The following GNA12 variants were observed in gnomAD, a reference collection of about 807,000 sequenced individuals.
The protein encoded by GNA12 is G protein subunit alpha 12, also known as guanine nucleotide-binding protein subunit alpha-12.
In GNA12, 9 loss-of-function variants were observed where a neutral mutation model predicts 26.0. The ratio of observed to expected loss-of-function variants is 0.35; its 90% CI spans 0.21 to 0.60. The LOEUF is 0.60. Ranked by LOEUF, GNA12 falls within the 20% of genes least tolerant of loss-of-function variation. The pLI is 0.78. For missense variants in GNA12, 405 were observed against 525.8 expected (o/e 0.77, Z 2.25); for synonymous variants, 264 against 219.6 (o/e 1.20, Z -1.79).
intron 1 of GNA12, among the ~76,000 whole-genome samples, chr7:2,799,450 C>T (rs1366416129): frequency 6.6e-6 from 1 of 152,106 alleles, no homozygotes; most frequent in East Asian, 1.9e-4. Flanking sequence ...GGCATGGTGG[C>T]ACACGCTGAT....
chr7:2,825,576 C>T (rs1046625165), intron 1 of GNA12, among the ~76,000 whole-genome samples: 1 of 152,162 alleles, frequency 6.6e-6, no homozygotes, highest in South Asian at 2.1e-4. Flanking sequence ...AGGAGAAGTG[C>T]GTTTGTGCCA....
chr7:2,744,813 G>T (rs1365154487), intron 2 of GNA12, among the ~76,000 whole-genome samples: 2 of 152,160 alleles, frequency 1.3e-5, no homozygotes, highest in Non-Finnish European at 2.9e-5. Flanking sequence ...CCAATGCAGA[G>T]AAGTCCTTAA....
intron 2 of GNA12, among the ~76,000 whole-genome samples, chr7:2,767,415 C>T (rs6962049): frequency 0.013 from 2,021 of 152,174 alleles, 48 homozygotes; most frequent in African/African-American, 0.045. Flanking sequence ...TTTTTGTATA[C>T]AGTATAAGAG....
In GNA12 at chr7:2,784,831, T is replaced by A. The variant is rs111919755; in HGVS notation, c.525+10097A>T. ...AATTTGTCATTTGACTCTTAATTTATGTTGACTTTTGCCATACAAATGTTA... is the reference window on the plus strand; with the variant it reads ...AATTTGTCATTTGACTCTTAATTTAAGTTGACTTTTGCCATACAAATGTTA... On this transcript the variant is annotated intron_variant, in intron 2 of 3. Coordinates refer to ENST00000275364, the MANE Select transcript of GNA12 (RefSeq NM_007353.3). Among the ~76,000 whole-genome samples, 72 of 152,366 alleles carry A rather than the reference T, an allele frequency of 4.7e-4. 1 individual carries two copies. The highest frequency in any genetic ancestry group is 1.3e-3 in the African/African-American group (54 of 41,584).
chr7:2,754,615 T>C (rs570071070), intron 2 of GNA12, among the ~76,000 whole-genome samples: 2 of 150,932 alleles, frequency 1.3e-5, no homozygotes, highest in South Asian at 2.1e-4. Flanking sequence ...AGGTATAGTG[T>C]TGCGTTCCTG....
intron 2 of GNA12, among the ~76,000 whole-genome samples, chr7:2,783,742 T>TG (rs1318196582): frequency 6.6e-6 from 1 of 151,890 alleles, no homozygotes; most frequent in Non-Finnish European, 1.5e-5. Context: ...TGGAGTGCAG[T>TG]GGGGCAATCT....
At chr7:2,819,704 C>G (rs1313216547) in intron 1 of GNA12, among the ~76,000 whole-genome samples, 2 of 152,194 alleles carry the variant, frequency 1.3e-5, no homozygotes, top group African/African-American at 4.8e-5. Context: ...CGAGGAAAGG[C>G]AAACCGAAAA....
chr7:2,808,217 C>G (rs1257595068), intron 1 of GNA12, among the ~76,000 whole-genome samples: 1 of 152,258 alleles, frequency 6.6e-6, no homozygotes, highest in South Asian at 2.1e-4. Context: ...ATACCCAACT[C>G]CCTCCTGTAA....
At chr7:2,750,482 G>A (rs369175793) in intron 2 of GNA12, among the ~76,000 whole-genome samples, 26 of 152,298 alleles carry the variant, frequency 1.7e-4, no homozygotes, top group African/African-American at 6.3e-4. Flanking sequence ...TATCTATATT[G>A]TTTTTCCCTT....
chr7:2,814,011 G>A (rs903197193), intron 1 of GNA12, among the ~76,000 whole-genome samples: 14 of 152,050 alleles, frequency 9.2e-5, no homozygotes, highest in Admixed American at 2.0e-4. Context: ...TTCCTGCCTC[G>A]CCGCCGGAGC....
rs11772508 is a variant in GNA12, at chr7:2,731,870, C to A, written c.577-120G>T. On this transcript the variant is annotated intron_variant, in intron 3 of 3. Transcript: ENST00000275364. The surrounding 1 kb of genome is among the most constrained non-coding windows in gnomAD (Gnocchi z 6.0). ...GACTGACTTTTGCAACAGGTTGAAC[C>A]AGAAACCAAAAGCAAATTTCATTTA... The A allele has an allele frequency of 0.11, 61,570 of 556,252 alleles. 4,097 individuals are homozygous for A. Among genetic ancestry groups the A allele is most frequent in the Middle Eastern group, 0.21 (580 of 2,788 alleles). The allele number at this position is 556,252 out of a possible 1,614,324, so 34.5% of individuals were successfully genotyped here.
chr7:2,751,099 A>G (rs1380713093), intron 2 of GNA12, among the ~76,000 whole-genome samples: 1 of 152,082 alleles, frequency 6.6e-6, no homozygotes, highest in East Asian at 1.9e-4. Flanking sequence ...TTACATGCTT[A>G]TATTAGGGCC....
intron 2 of GNA12, among the ~76,000 whole-genome samples, chr7:2,748,646 C>T (rs1355056224): frequency 6.6e-6 from 1 of 152,048 alleles, no homozygotes; most frequent in African/African-American, 2.4e-5. Context: ...CAACAAAAGC[C>T]AAAATTGACA....
At chr7:2,809,384 T>G (rs2115479039) in intron 1 of GNA12, among the ~76,000 whole-genome samples, 1 of 152,354 alleles carries the variant, frequency 6.6e-6, no homozygotes, top group East Asian at 1.9e-4. Flanking sequence ...TAGATCTGTC[T>G]TGTACCAAAG....
chr7:2,774,534 C>A (rs774011091), intron 2 of GNA12, among the ~76,000 whole-genome samples: 10 of 152,122 alleles, frequency 6.6e-5, no homozygotes, highest in Admixed American at 2.6e-4. Context: ...AGTGCGCCTG[C>A]AGCAGTGACA....
At chr7:2,811,446 T>C (rs995682235) in intron 1 of GNA12, among the ~76,000 whole-genome samples, 2 of 152,216 alleles carry the variant, frequency 1.3e-5, no homozygotes, top group African/African-American at 4.8e-5. Flanking sequence ...GCTCACATGT[T>C]CCAGAGGTAC....
intron 2 of GNA12, among the ~76,000 whole-genome samples, chr7:2,790,023 C>T (rs888642811): frequency 3.9e-5 from 6 of 152,198 alleles, no homozygotes; most frequent in Non-Finnish European, 8.8e-5. Context: ...TTGCCTAAAG[C>T]CTGCTCAACT....
In GNA12 at chr7:2,789,052, A is replaced by G. The variant is rs144922856; in HGVS notation, c.525+5876T>C. Among the ~76,000 whole-genome samples the G allele has an allele frequency of 2.9e-3, 437 of 151,134 alleles. 2 individuals are homozygous for G. The highest frequency in any genetic ancestry group is 0.01 in the Middle Eastern group (3 of 286). On this transcript the variant is annotated intron_variant, in intron 2 of 3. Coordinates refer to ENST00000275364, the MANE Select transcript of GNA12 (RefSeq NM_007353.3). The stretch of plus-strand genomic sequence containing the variant: ...GCCAGGGTGGTCTTGAACTGACCTC[A>G]AGTGATCCACCTGCCTTGGCCTCCC...
intron 1 of GNA12, among the ~76,000 whole-genome samples, chr7:2,831,959 CTT>C (rs1364201497): frequency 6.6e-6 from 1 of 152,184 alleles, no homozygotes; most frequent in Admixed American, 6.5e-5. Context: ...TACTGTGTAT[CTT>C]GTCTACAAAG....
Sources: allele counts gnomAD v4.1 joint callset (sites outside exome capture counted in the v4.1 genomes callset), GRCh38; gene constraint gnomAD v4.1.1; non-coding constraint Gnocchi (gnomAD v3.1); transcripts MANE v1.5; gene names NCBI Gene and HGNC (gene_info 2026-07-23, HGNC 2026-07-21).